Variants in ROPN1B observed in about 807,000 individuals in gnomAD.
The protein encoded by ROPN1B is rhophilin associated tail protein 1B.
In ROPN1B, 13 loss-of-function variants were observed where a neutral mutation model predicts 23.7. The observed-to-expected ratio is 0.55, with a 90% confidence interval of 0.36 to 0.87. The LOEUF (loss-of-function observed/expected upper bound fraction) is 0.87. ROPN1B is among the 40% of genes least tolerant of loss of function. The probability of loss-of-function intolerance (pLI) is 0.01; values close to 1 mark genes in which losing one functional copy is unlikely to be tolerated. For missense variants in ROPN1B, 183 were observed against 249.2 expected (o/e 0.73, Z 1.79); for synonymous variants, 67 against 100.4 (o/e 0.67, Z 1.99).
At chr3:125,970,769 GAACAT>G (rs1400875314) in intron 1 of ROPN1B, among the ~76,000 whole-genome samples, 1 of 152,038 alleles carries the variant, frequency 6.6e-6, no homozygotes, top group African/African-American at 2.4e-5. Flanking sequence ...CCAAATAAAA[GAACAT>G]AAATAAAGTA....
chr3:125,974,764 A>C (rs1402488952), intron 3 of ROPN1B, among the ~76,000 whole-genome samples: 1 of 152,206 alleles, frequency 6.6e-6, no homozygotes, highest in Non-Finnish European at 1.5e-5. Context: ...GATTTCACTG[A>C]AAATTTTGAG....
chr3:125,976,920 C>G (rs1389031165), intron 4 of ROPN1B, 84 bp from the exon 5 acceptor site: 10 of 705,000 alleles, frequency 1.4e-5, no homozygotes, highest in Non-Finnish European at 5.3e-6. Flanking sequence ...AGATGTGGAC[C>G]TGGCCTGGGG....
intron 1 of ROPN1B, chr3:125,970,134 G>T (rs1411378154): frequency 6.6e-6 from 1 of 150,400 alleles, no homozygotes; most frequent in Non-Finnish European, 1.5e-5. Context: ...GTTACTCAAA[G>T]AATCACACTA....
intron 3 of ROPN1B, chr3:125,972,473 A>G: frequency 2.1e-6 from 1 of 483,046 alleles, no homozygotes; most frequent in South Asian, 4.5e-5. Context: ...ATGCACACCC[A>G]CCTCCTCCCT....
At chr3:125,980,810 GA>G (rs1938586591) in intron 5 of ROPN1B, among the ~76,000 whole-genome samples, 1 of 152,112 alleles carries the variant, frequency 6.6e-6, no homozygotes, top group Non-Finnish European at 1.5e-5. Context: ...ATAAAGTTCA[GA>G]GTGTGCTTGC....
At chr3:125,975,802 A>G in intron 4 of ROPN1B, 122 bp downstream of exon 4, 1 of 796,768 alleles carries the variant, frequency 1.3e-6, no homozygotes, top group Admixed American at 2.5e-5. Context: ...CCTAAAATAC[A>G]CTAAACCGTG....
chr3:125,975,413 A>G (rs549356881), intron 3 of ROPN1B, 150 bp from the exon 4 acceptor site: 1 of 627,038 alleles, frequency 1.6e-6, no homozygotes, highest in East Asian at 2.7e-5. Flanking sequence ...CCCATATGTA[A>G]GTGAACTAAA....
chr3:125,970,971 T>C (rs1297632468), intron 1 of ROPN1B, 146 bp from the exon 2 acceptor site: 1 of 153,726 alleles, frequency 6.5e-6, no homozygotes, highest in Non-Finnish European at 1.5e-5. Flanking sequence ...TACCCCAGCC[T>C]GTAGGCAGAT....
At chr3:125,976,784 C>G (rs1938429202) in intron 4 of ROPN1B, 1 of 748,932 alleles carries the variant, frequency 1.3e-6, no homozygotes, top group African/African-American at 1.7e-5. Flanking sequence ...AATTCTGACA[C>G]CTAAAGTTTG....
In ROPN1B at chr3:125,974,407, T is replaced by C. The variant is rs373983024; in HGVS notation, c.117-1156T>C. Among the ~76,000 whole-genome samples the C allele has an allele frequency of 1.0e-3, 157 of 152,352 alleles. 1 individual carries two copies. Among genetic ancestry groups the C allele is most frequent in the Middle Eastern group, 3.4e-3 (1 of 294 alleles). The stretch of plus-strand genomic sequence containing the variant: ...TTTCACTCTGCCTTGCTATGTGGCT[T>C]AGAGACAGGCAATCGTTAGCCCATC... On this transcript the variant is annotated intron_variant, in intron 3 of 6. Coordinates refer to ENST00000514116, the MANE Select transcript of ROPN1B (RefSeq NM_001308313.2).
intron 5 of ROPN1B, among the ~76,000 whole-genome samples, chr3:125,978,637 G>A (rs768565834): frequency 1.4e-4 from 21 of 152,164 alleles, no homozygotes; most frequent in African/African-American, 3.1e-4. Context: ...CTGTCTGGTC[G>A]CTAGCTGCTT....
intron 3 of ROPN1B, among the ~76,000 whole-genome samples, chr3:125,975,093 C>A (rs1938355472): frequency 6.6e-6 from 1 of 152,154 alleles, no homozygotes; most frequent in East Asian, 1.9e-4. Flanking sequence ...GTCCTCCAGG[C>A]TCAGGCTCTG....
intron 3 of ROPN1B, chr3:125,972,633 T>G (rs1938259766): frequency 2.7e-6 from 1 of 369,712 alleles, no homozygotes; most frequent in Non-Finnish European, 5.0e-6. Context: ...GTGGGACCAG[T>G]CCTGCTAGTT....
intron 4 of ROPN1B, among the ~76,000 whole-genome samples, 179 bp downstream of exon 4, chr3:125,975,859 T>C (rs1938391753): frequency 6.6e-6 from 1 of 152,152 alleles, no homozygotes; most frequent in Non-Finnish European, 1.5e-5. Flanking sequence ...AATTTTGAAA[T>C]AGGCTGCAGG....
At chr3:125,971,074 C>G (rs147456731) in intron 1 of ROPN1B, 43 bp from the exon 2 acceptor site, 6,624 of 153,640 alleles carry the variant, frequency 0.043, 183 homozygotes, top group African/African-American at 0.075. Flanking sequence ...CAGACATTTG[C>G]CTTTTGTGAG....
intron 5 of ROPN1B, among the ~76,000 whole-genome samples, chr3:125,979,728 C>G (rs1938545966): frequency 6.6e-6 from 1 of 152,246 alleles, no homozygotes; most frequent in Non-Finnish European, 1.5e-5. Flanking sequence ...CAGAGTTTCT[C>G]TTTCCTTTGC....
chr3:125,981,449 A>T (rs894538819), intron 5 of ROPN1B, among the ~76,000 whole-genome samples: 5 of 152,236 alleles, frequency 3.3e-5, no homozygotes, highest in Non-Finnish European at 7.3e-5. Flanking sequence ...AGAGTGTGTC[A>T]GGATGATCCG....
At chr3:125,975,991 C>CCTTACTGATCAAG (rs1553717394) in intron 4 of ROPN1B, among the ~76,000 whole-genome samples, 1 of 103,890 alleles carries the variant, frequency 9.6e-6, no homozygotes. Flanking sequence ...GACAGTGTCT[C>CCTTACTGATCAAG]CTTACTGATC....
chr3:125,978,315 A>T (rs1263694587), intron 5 of ROPN1B, among the ~76,000 whole-genome samples: 1 of 152,194 alleles, frequency 6.6e-6, no homozygotes, highest in East Asian at 1.9e-4. Context: ...TTTTTTTCAC[A>T]CCACATTTGG....
Sources: allele counts gnomAD v4.1 joint callset (sites outside exome capture counted in the v4.1 genomes callset), GRCh38; gene constraint gnomAD v4.1.1; transcripts MANE v1.5; gene names NCBI Gene and HGNC (gene_info 2026-07-23, HGNC 2026-07-21).